The following EVC2 variants were observed in gnomAD, a reference collection of about 807,000 sequenced individuals.
The protein encoded by EVC2 is limbin.
In EVC2, 148 loss-of-function variants were observed where a neutral mutation model predicts 149.3. The observed-to-expected ratio is 0.99, with a 90% CI of 0.87 to 1.14. The LOEUF (loss-of-function observed/expected upper bound fraction) is 1.14, where lower values mean the gene tolerates loss of function less well. EVC2 is among the 50% of genes most tolerant of loss of function. The probability of loss-of-function intolerance (pLI) is 0.00; values close to 1 mark genes in which losing one functional copy is unlikely to be tolerated. For synonymous variants in EVC2, 776 were observed against 649.9 expected (o/e 1.19, Z -2.95); for missense variants, 1,854 against 1,627.3 (o/e 1.14, Z -2.40).
In EVC2 at chr4:5,650,020, G is replaced by A. The variant is rs78122021; in HGVS notation, c.1146-9182C>T. On this transcript the variant is annotated intron_variant, in intron 9 of 21. Transcript: ENST00000344408. The stretch of plus-strand genomic sequence containing the variant: ...TGACAAACCATTAAATTTCTAGTTG[G>A]GTAAAACCTAGACTGCAAGGTACAA... 2.2e-4 allele frequency among the ~76,000 whole-genome samples: 33 copies of A among 152,240 alleles called. No individual in the cohort carries two copies. The East Asian group carries it at 6.0e-3, about 28-fold the overall frequency.
chr4:5,585,406 T>C (rs1323315354), intron 16 of EVC2, among the ~76,000 whole-genome samples: 1 of 152,220 alleles, frequency 6.6e-6, no homozygotes, highest in Admixed American at 6.5e-5. Context: ...TTTGGGTCTA[T>C]AGTTTCCACG....
chr4:5,626,221 T>C (rs887459510), intron 12 of EVC2, among the ~76,000 whole-genome samples: 2 of 152,124 alleles, frequency 1.3e-5, no homozygotes, highest in African/African-American at 4.8e-5. Context: ...TTAAAAATCC[T>C]GGTGTCAAGA....
chr4:5,567,193 C>T lies in EVC2; in HGVS notation c.3557+1251G>A, dbSNP rs115355555. On this transcript the variant is annotated intron_variant, in intron 20 of 21. Transcript: ENST00000344408. This position sits in a 1 kb window ranked among gnomAD's most constrained non-coding sequence, Gnocchi z 4.4. ...CAGCCCTCTGACTGCGGTCCACAAC[C>T]CACTTCCTGACTATACTGGGCCCCA... Among the ~76,000 whole-genome samples, 401 of 152,132 alleles carry T rather than the reference C, an allele frequency of 2.6e-3. 1 individual carries two copies. The highest frequency in any genetic ancestry group is 9.0e-3 in the African/African-American group (372 of 41,518).
At chr4:5,676,983 T>C (rs6446387) in intron 7 of EVC2, among the ~76,000 whole-genome samples, 62,384 of 152,000 alleles carry the variant, frequency 0.41, 13,295 homozygotes, top group Non-Finnish European at 0.47. Flanking sequence ...AGCACCTGTG[T>C]AGCCCCCGTG....
In EVC2 at chr4:5,584,755, C is replaced by T. The variant is rs760612784; in HGVS notation, c.2925G>A (p.Ala975=). ...QSLVALQFQK[A]SRVTETLSAY... is the part of the protein sequence containing the mutation. ...CCGACAGAGTCTCGGTCACCCGGGACGCCTTCTGGAACTGCAGAGCAACAA... is the reference window on the plus strand; with the variant it reads ...CCGACAGAGTCTCGGTCACCCGGGATGCCTTCTGGAACTGCAGAGCAACAA... Residue 975 remains alanine (A), a synonymous_variant, in exon 17 of 22, where the codon GCG becomes GCA. Transcript: ENST00000344408. 3.1e-6 allele frequency: 5 copies of T among 1,614,152 alleles called. No individual in the cohort carries two copies. The highest frequency in any genetic ancestry group is 2.2e-5 in the East Asian group (1 of 44,860).
intron 9 of EVC2, among the ~76,000 whole-genome samples, chr4:5,652,208 A>T (rs1389138105): frequency 6.6e-6 from 1 of 152,166 alleles, no homozygotes; most frequent in Non-Finnish European, 1.5e-5. Flanking sequence ...GGTGCTGGTG[A>T]TGAGGTGGTA....
chr4:5,604,016 G>A (rs1473796644), intron 16 of EVC2, among the ~76,000 whole-genome samples: 2 of 152,132 alleles, frequency 1.3e-5, no homozygotes, highest in Admixed American at 1.3e-4. Flanking sequence ...GTTCTACCAT[G>A]TACCAGCTTT....
chr4:5,577,738 G>A (rs1330819271), intron 17 of EVC2, among the ~76,000 whole-genome samples: 1 of 152,178 alleles, frequency 6.6e-6, no homozygotes, highest in Non-Finnish European at 1.5e-5. Context: ...AAGCATTTGG[G>A]TGCTGGGCCT....
At chr4:5,532,935 G>A in the EVC2 span, among the ~76,000 whole-genome samples, 1 of 151,592 alleles carries the variant, frequency 6.6e-6, no homozygotes, top group Non-Finnish European at 1.5e-5. Context: ...CTGATATCAG[G>A]AAGGGACTCT....
At chr4:5,606,264 G>A (rs185288510) in intron 16 of EVC2, among the ~76,000 whole-genome samples, 9 of 152,234 alleles carry the variant, frequency 5.9e-5, no homozygotes, top group African/African-American at 1.9e-4. Context: ...GCCTTTTTGA[G>A]AACAAATCTT....
At chr4:5,578,544 G>A (rs908170384) in intron 17 of EVC2, among the ~76,000 whole-genome samples, 1 of 152,148 alleles carries the variant, frequency 6.6e-6, no homozygotes, top group African/African-American at 2.4e-5. Context: ...AGGTGTCTCT[G>A]ACTCTGGGTC....
chr4:5,537,369 C>T, the EVC2 span, among the ~76,000 whole-genome samples: 1 of 152,054 alleles, frequency 6.6e-6, no homozygotes, highest in African/African-American at 2.4e-5. Context: ...AGAGAATCAC[C>T]CAAAAGGATT....
the EVC2 span, among the ~76,000 whole-genome samples, chr4:5,535,644 TCTC>T: frequency 1.1e-5 from 1 of 92,032 alleles, no homozygotes; most frequent in Non-Finnish European, 2.1e-5. The surrounding 1 kb of genome is among the most constrained non-coding windows in gnomAD (Gnocchi z 4.7). Flanking sequence ...AAAGAGATAA[TCTC>T]CTGTTCTTCC....
chr4:5,626,999 T>C (rs1328682189), intron 12 of EVC2, among the ~76,000 whole-genome samples: 1 of 152,130 alleles, frequency 6.6e-6, no homozygotes, highest in Non-Finnish European at 1.5e-5. Context: ...CTTGAGCTAG[T>C]TCCTATTTAT....
Position 5,686,852 on chromosome 4 carries a change from T to C in EVC2, c.707-1373A>G, listed in dbSNP as rs1240849764. On this transcript the variant is annotated intron_variant, in intron 5 of 21. Coordinates refer to ENST00000344408, the MANE Select transcript of EVC2 (RefSeq NM_147127.5). This position sits in a 1 kb window ranked among gnomAD's most constrained non-coding sequence, Gnocchi z 5.4. ...AATGTCACATTCCTTGGCGTAGCGG[T>C]GAGTTCACAGATAAATATGATTTGG... 6.6e-6 allele frequency among the ~76,000 whole-genome samples: 1 copy of C among 151,438 alleles called. No homozygotes were observed. The highest frequency in any genetic ancestry group is 1.5e-5 in the Non-Finnish European group (1 of 67,998).
At chr4:5,594,243 G>C (rs995101311) in intron 16 of EVC2, among the ~76,000 whole-genome samples, 2 of 152,214 alleles carry the variant, frequency 1.3e-5, no homozygotes, top group Non-Finnish European at 2.9e-5. Context: ...CGCAGCTGGA[G>C]ATCTGAGAAC....
intron 1 of EVC2, among the ~76,000 whole-genome samples, chr4:5,706,077 C>G (rs1285144985): frequency 6.6e-6 from 1 of 151,956 alleles, no homozygotes; most frequent in Non-Finnish European, 1.5e-5. Flanking sequence ...ACACCCATGA[C>G]GATTCCTCCA....
chr4:5,622,622 C>G lies in EVC2; in HGVS notation c.2416G>C (p.Val806Leu). Residue 806 changes from valine to leucine, a missense_variant, in exon 14 of 22, where the codon GTG (valine) becomes CTG (leucine). Physicochemically the swap from Val to Leu is conservative, Grantham distance 32. Transcript: ENST00000344408. This position sits in a 1 kb window ranked among gnomAD's most constrained non-coding sequence, Gnocchi z 5.8. Reference protein sequence around the residue: ...RDRDQEGVQSVRQRLKDDAPE... With the variant: ...RDRDQEGVQSLRQRLKDDAPE... Reference sequence around the variant, plus strand: ...GCGTCATCCTTCAGTCTCTGCCTCACGCTCTGGACACCCTCCTGGTCCCTG... The same window carrying G: ...GCGTCATCCTTCAGTCTCTGCCTCAGGCTCTGGACACCCTCCTGGTCCCTG... The G allele has an allele frequency of 6.2e-7, 1 of 1,614,018 alleles. No homozygotes were observed. The highest frequency in any genetic ancestry group is 1.1e-5 in the South Asian group (1 of 91,046).
chr4:5,556,889 G>C (rs1301819731), intron 21 of EVC2, among the ~76,000 whole-genome samples: 1 of 149,158 alleles, frequency 6.7e-6, no homozygotes, highest in Non-Finnish European at 1.5e-5. Context: ...ACGTGAAGGA[G>C]ATAACCTAAA....
Sources: gnomAD v4.1 joint callset for allele counts (sites outside exome capture counted in the v4.1 genomes callset) on GRCh38, gnomAD v4.1.1 for gene constraint, Gnocchi (gnomAD v3.1) non-coding constraint, MANE v1.5 for transcripts, NCBI Gene and HGNC (gene_info 2026-07-23, HGNC 2026-07-21) for gene names.